Variants in ANTXR1 observed in about 807,000 individuals in gnomAD.
ANTXR1 encodes the protein ANTXR cell adhesion molecule 1.
In ANTXR1, 19 loss-of-function variants were observed where a neutral mutation model predicts 78.1. The ratio of observed to expected loss-of-function variants is 0.24; its 90% confidence interval spans 0.17 to 0.36. The LOEUF is 0.36. Among genes scored for constraint, ANTXR1 ranks in the 10% least tolerant of loss-of-function variants. ANTXR1 has a pLI of 1.00. For synonymous variants in ANTXR1, 273 were observed against 260.5 expected (o/e 1.05, Z -0.46); for missense variants, 518 against 718.6 (o/e 0.72, Z 3.19).
At position 69,248,132 on chromosome 2, in the gene ANTXR1, G is replaced by A. The variant is rs1184671810; in HGVS notation, c.*2647G>A. ...AATACTTGTGTCATTCCCTGTAAAAGGCAGGAGACATGTGATTATGATCAG... is the reference window on the plus strand; with the variant it reads ...AATACTTGTGTCATTCCCTGTAAAAAGCAGGAGACATGTGATTATGATCAG... On this transcript the variant is annotated 3_prime_UTR_variant, in exon 18 of 18. Coordinates refer to ENST00000303714, the MANE Select transcript of ANTXR1 (RefSeq NM_032208.3). 2.4e-5 allele frequency: 4 copies of A among 164,780 alleles called. No individual in the cohort carries two copies. Among genetic ancestry groups the A allele is most frequent in the African/African-American group, 9.7e-5 (4 of 41,318 alleles). 10.2% of individuals were successfully genotyped at this position (164,780 alleles called of 1,614,324 possible).
At chr2:69,174,313 G>A (rs1227675692) in intron 14 of ANTXR1, among the ~76,000 whole-genome samples, 1 of 152,230 alleles carries the variant, frequency 6.6e-6, no homozygotes, top group Non-Finnish European at 1.5e-5. Flanking sequence ...GATAGCAAGT[G>A]TGAGATTCTC....
At chr2:69,133,927 G>A (rs942109705) in intron 12 of ANTXR1, among the ~76,000 whole-genome samples, 2 of 152,170 alleles carry the variant, frequency 1.3e-5, no homozygotes, top group South Asian at 2.1e-4. Context: ...CTTACAGGGT[G>A]TATGACTTTA....
chr2:69,039,909 A>T (rs1669564107), intron 1 of ANTXR1, 135 bp from the exon 2 acceptor site: 1 of 714,306 alleles, frequency 1.4e-6, no homozygotes, highest in Non-Finnish European at 2.5e-6. Context: ...TAATTTCCAA[A>T]GTTACAGAAG....
intron 16 of ANTXR1, among the ~76,000 whole-genome samples, chr2:69,189,081 A>G (rs1409775221): frequency 6.6e-6 from 1 of 152,250 alleles, no homozygotes; most frequent in Non-Finnish European, 1.5e-5. Flanking sequence ...AAGCTCTTGC[A>G]TAAAAACTAC....
At chr2:69,145,421 CG>C (rs1558597403) in intron 12 of ANTXR1, 1 of 1,567,638 alleles carries the variant, frequency 6.4e-7, no homozygotes. Flanking sequence ...CTCCTGAAAA[CG>C]GGGAGAGAGG....
chr2:69,145,941 G>A, intron 12 of ANTXR1: 1 of 985,696 alleles, frequency 1.0e-6, no homozygotes, highest in Non-Finnish European at 1.2e-6. Context: ...AGTTCCAAAT[G>A]TATACCTTTG....
rs910226575 is a variant in ANTXR1 at position 69,245,234 on chromosome 2, A to G, written c.1444A>G (p.Ile482Val). Residue 482 changes from isoleucine (I) to valine (V), a missense_variant, in exon 18 of 18, where the codon ATC (isoleucine) becomes GTC (valine). Ile to Val is a conservative substitution (Grantham distance 29). Coordinates refer to ENST00000303714, the MANE Select transcript of ANTXR1 (RefSeq NM_032208.3). ...RPQPGDTGRC[I>V]NFTRVKNNQP... The stretch of plus-strand genomic sequence containing the variant: ...TCCAATTCTTTTCTAGGGGCGCTGC[A>G]TCAACTTCACCAGGGTCAAGAACAA... The G allele has an allele frequency of 4.3e-6, 7 of 1,613,784 alleles. No individual in the cohort carries two copies. Among genetic ancestry groups the G allele is most frequent in the Non-Finnish European group, 2.5e-6 (3 of 1,179,996 alleles).
chr2:69,189,812 G>T (rs78875273), intron 16 of ANTXR1, among the ~76,000 whole-genome samples: 4,664 of 152,308 alleles, frequency 0.031, 177 homozygotes, highest in East Asian at 0.15. Flanking sequence ...TCAAGGCAGG[G>T]TGTGCAAAAG....
chr2:69,024,179 C>G (rs1187383526), intron 1 of ANTXR1, among the ~76,000 whole-genome samples: 1 of 151,946 alleles, frequency 6.6e-6, no homozygotes, highest in Non-Finnish European at 1.5e-5. Flanking sequence ...AGGGTTGCAA[C>G]AGTAAGGAGC....
At chr2:69,171,151 C>T (rs1445435200) in intron 14 of ANTXR1, among the ~76,000 whole-genome samples, 1 of 152,208 alleles carries the variant, frequency 6.6e-6, no homozygotes, top group Non-Finnish European at 1.5e-5. Flanking sequence ...AGTGCCAGTT[C>T]CTCACCCTTC....
intron 13 of ANTXR1, among the ~76,000 whole-genome samples, chr2:69,168,302 A>G (rs1334975677): frequency 6.6e-6 from 1 of 152,208 alleles, no homozygotes; most frequent in Non-Finnish European, 1.5e-5. Flanking sequence ...CTTAACACAC[A>G]TGATCGCTCA....
intron 1 of ANTXR1, among the ~76,000 whole-genome samples, chr2:69,031,577 A>G (rs1356102143): frequency 2.0e-5 from 3 of 152,134 alleles, no homozygotes; most frequent in African/African-American, 7.2e-5. Context: ...CCTCATTCTT[A>G]GCATCTGTCC....
At chr2:69,111,472 A>T (rs1671975681) in intron 10 of ANTXR1, among the ~76,000 whole-genome samples, 1 of 152,260 alleles carries the variant, frequency 6.6e-6, no homozygotes, top group Non-Finnish European at 1.5e-5. Context: ...TATGACTATA[A>T]ACAAAAGAAA....
chr2:69,193,212 G>C, intron 16 of ANTXR1, 123 bp from the exon 17 acceptor site: 1 of 796,126 alleles, frequency 1.3e-6, no homozygotes, highest in Non-Finnish European at 2.3e-6. Context: ...ATCCCATCAT[G>C]ACCATATTGA....
At chr2:69,235,904 G>C (rs1272802911) in intron 17 of ANTXR1, among the ~76,000 whole-genome samples, 1 of 152,020 alleles carries the variant, frequency 6.6e-6, no homozygotes, top group Non-Finnish European at 1.5e-5. Context: ...TGTATGGCTG[G>C]GGAGGCCTCA....
chr2:69,185,263 G>GTCA (rs1169999798), intron 16 of ANTXR1, among the ~76,000 whole-genome samples: 1 of 152,204 alleles, frequency 6.6e-6, no homozygotes, highest in African/African-American at 2.4e-5. Flanking sequence ...GTCACCAGCT[G>GTCA]GGCGCAGTGG....
At chr2:69,089,955 C>T (rs1248059371) in intron 8 of ANTXR1, among the ~76,000 whole-genome samples, 4 of 152,138 alleles carry the variant, frequency 2.6e-5, no homozygotes, top group African/African-American at 4.8e-5. Flanking sequence ...AACTTAGGTG[C>T]TACCAGTGAG....
intron 10 of ANTXR1, among the ~76,000 whole-genome samples, chr2:69,117,893 G>A (rs901193362): frequency 5.3e-5 from 8 of 152,000 alleles, no homozygotes; most frequent in Admixed American, 1.3e-4. Context: ...CTGTCCCCTC[G>A]GTATGCAGCT....
At chr2:69,020,114 T>C (rs1671141127) in intron 1 of ANTXR1, among the ~76,000 whole-genome samples, 1 of 152,196 alleles carries the variant, frequency 6.6e-6, no homozygotes, top group Non-Finnish European at 1.5e-5. Flanking sequence ...GATTGGTGGG[T>C]CGAATGGTAT....
Sources: gnomAD v4.1 joint callset for allele counts (sites outside exome capture counted in the v4.1 genomes callset) on GRCh38, gnomAD v4.1.1 for gene constraint, MANE v1.5 for transcripts, NCBI Gene and HGNC (gene_info 2026-07-23, HGNC 2026-07-21) for gene names.